FNDC4: variants seen among roughly 807,000 people sequenced by gnomAD.
FNDC4 encodes fibronectin type III domain containing 4.
FNDC4 carries 11 observed loss-of-function variants against 25.1 expected under a neutral mutation model. The observed-to-expected ratio is 0.44, with a 90% CI of 0.28 to 0.73. The LOEUF is 0.73. Among genes scored for constraint, FNDC4 ranks in the 30% least tolerant of loss-of-function variants. The pLI, the probability that FNDC4 is intolerant of heterozygous loss-of-function variation, is 0.16. For missense variants in FNDC4, 250 were observed against 304.3 expected (o/e 0.82, Z 1.33); for synonymous variants, 136 against 118.8 (o/e 1.14, Z -0.94).
At position 27,492,524 on chromosome 2, in the gene FNDC4, G is replaced by A. The variant is rs771046776; in HGVS notation, c.670-46C>T. 1 of 1,597,200 alleles carries A rather than the reference G, an allele frequency of 6.3e-7. No homozygotes were observed. The highest frequency in any genetic ancestry group is 8.6e-7 in the Non-Finnish European group (1 of 1,164,698). On this transcript the variant is annotated intron_variant, in intron 6 of 6. Transcript: ENST00000264703. This position sits in a 1 kb window ranked among gnomAD's most constrained non-coding sequence, Gnocchi z 4.1. ...AGTCTCAACTTCAGGAAGGTAATAG[G>A]TGCCACCCTTTCTCTCCAGCCTCCC...
chr2:27,494,511 T>C lies in FNDC4; in HGVS notation c.133+36A>G, dbSNP rs1242296245. 1 of 1,612,880 alleles carries C rather than the reference T, an allele frequency of 6.2e-7. No homozygotes were observed. Among genetic ancestry groups the C allele is most frequent in the African/African-American group, 1.3e-5 (1 of 74,900 alleles). ...TAACAGGTTTCACCCATTGACTAGC[T>C]GTGGTTGACCCTCAGCCCCGTTCCC... is the stretch of plus-strand genomic sequence containing the variant. On this transcript the variant is annotated intron_variant, in intron 2 of 6. Coordinates refer to ENST00000264703, the MANE Select transcript of FNDC4 (RefSeq NM_022823.3). The surrounding 1 kb of genome is among the most constrained non-coding windows in gnomAD (Gnocchi z 4.6).
Position 27,494,050 on chromosome 2 carries a change from T to C in FNDC4, c.334A>G (p.Ser112Gly). The change falls in exon 4 of 7, where the codon AGT (serine) becomes GGT (glycine). Residue 112 changes from serine to glycine, a missense_variant. Ser to Gly is a moderately conservative substitution (Grantham distance 56, BLOSUM62 0). Coordinates refer to ENST00000264703, the MANE Select transcript of FNDC4 (RefSeq NM_022823.3). This position sits in a 1 kb window ranked among gnomAD's most constrained non-coding sequence, Gnocchi z 4.6. Reference sequence around the variant, plus strand: ...CTCCTGACCTGCACTGTGTAGTCACTGTCTTCAGCCAGGCCCCAGAGGGCA... The same window carrying C: ...CTCCTGACCTGCACTGTGTAGTCACCGTCTTCAGCCAGGCCCCAGAGGGCA... The part of the protein sequence containing the change: ...ACALWGLAED[S>G]DYTVQVRSIG... 1 of 1,614,204 alleles carries C rather than the reference T, an allele frequency of 6.2e-7. No individual in the cohort carries two copies. The highest frequency in any genetic ancestry group is 8.5e-7 in the Non-Finnish European group (1 of 1,180,020).
rs147780937 is a variant in FNDC4 at position 27,493,460 on chromosome 2, C to T, written c.473G>A (p.Gly158Asp). 19 of 1,613,682 alleles carry T rather than the reference C, an allele frequency of 1.2e-5. No homozygotes were observed. In the African/African-American group the frequency reaches 1.9e-4, roughly 16 times the overall value. ...CTGCAGTGGCCGCTCTCCATCCAGA[C>T]CTTCCACTGTGATGTCACCTGAGAA... ...SSSPGDITVEGLDGERPLQTG... is the reference protein window; with the variant it reads ...SSSPGDITVEDLDGERPLQTG... Residue 158 changes from glycine (G) to aspartate (D), a missense_variant, in exon 5 of 7, where the codon GGT becomes GAT. By Grantham distance (94) the Gly-to-Asp change is moderately conservative. Transcript: ENST00000264703.
rs1250874283 is a variant in FNDC4 at position 27,493,848 on chromosome 2, G to A, written c.454+82C>T. On this transcript the variant is annotated intron_variant, in intron 4 of 6. Coordinates refer to ENST00000264703, the MANE Select transcript of FNDC4 (RefSeq NM_022823.3). ...TAAATCATCCTATTCAACTCAGCTA[G>A]TCTGTTGCTTGTCTTGGGGAAGTAA... is the stretch of plus-strand genomic sequence containing the variant. 2.1e-5 allele frequency: 27 copies of A among 1,258,014 alleles called. No individual in the cohort carries two copies. The East Asian group carries it at 6.3e-4, about 29-fold the overall frequency. The allele number at this position is 1,258,014 out of a possible 1,614,324, so 77.9% of individuals were successfully genotyped here.
Position 27,493,486 on chromosome 2 carries a change from G to T in FNDC4, c.455-8C>A. 2 of 1,609,912 alleles carry T rather than the reference G, an allele frequency of 1.2e-6. No homozygotes were observed. Among genetic ancestry groups the T allele is most frequent in the Non-Finnish European group, 1.7e-6 (2 of 1,176,324 alleles). ...CTTCCACTGTGATGTCACCTGAGAA[G>T]GGAGAAGGCAGAAGGCAGACTCCAG... On this transcript the variant is annotated splice_region_variant and splice_polypyrimidine_tract_variant and intron_variant, in intron 4 of 6. Coordinates refer to ENST00000264703, the MANE Select transcript of FNDC4 (RefSeq NM_022823.3).
At position 27,492,125 on chromosome 2, in the gene FNDC4, A is replaced by C; in HGVS notation, c.*318T>G. 3 of 417,744 alleles carry C rather than the reference A, an allele frequency of 7.2e-6. No homozygotes were observed. The highest frequency in any genetic ancestry group is 8.7e-6 in the Non-Finnish European group (2 of 230,872). The allele number at this position is 417,744 out of a possible 1,614,324, so 25.9% of individuals were successfully genotyped here. On this transcript the variant is annotated 3_prime_UTR_variant, in exon 7 of 7. Transcript: ENST00000264703. This position sits in a 1 kb window ranked among gnomAD's most constrained non-coding sequence, Gnocchi z 4.1. The stretch of plus-strand genomic sequence containing the variant: ...AGATGTGGGGCAGCTGGGGATGCTC[A>C]GAGTCCTGATACAGGTGAAATGGGG...
At position 27,492,108 on chromosome 2, in the gene FNDC4, G is replaced by A; in HGVS notation, c.*335C>T. 2.7e-6 allele frequency: 1 copy of A among 376,126 alleles called. No individual in the cohort carries two copies. Among genetic ancestry groups the A allele is most frequent in the Non-Finnish European group, 4.9e-6 (1 of 205,680 alleles). The allele number at this position is 376,126 out of a possible 1,614,324, so 23.3% of individuals were successfully genotyped here. ...TCTGAGGGCCAGAGGCAAGATGTGG[G>A]GCAGCTGGGGATGCTCAGAGTCCTG... On this transcript the variant is annotated 3_prime_UTR_variant, in exon 7 of 7. Coordinates refer to ENST00000264703, the MANE Select transcript of FNDC4 (RefSeq NM_022823.3). The surrounding 1 kb of genome is among the most constrained non-coding windows in gnomAD (Gnocchi z 4.1).
In FNDC4 at chr2:27,492,839, G is replaced by C. The variant is rs907426472; in HGVS notation, c.545-49C>G. 1 of 1,610,040 alleles carries C rather than the reference G, an allele frequency of 6.2e-7. No individual in the cohort carries two copies. The highest frequency in any genetic ancestry group is 8.5e-7 in the Non-Finnish European group (1 of 1,177,890). On this transcript the variant is annotated intron_variant, in intron 5 of 6. Transcript: ENST00000264703. The surrounding 1 kb of genome is among the most constrained non-coding windows in gnomAD (Gnocchi z 4.1). ...CTTCATCTCCACTTCCCCCCTCATAGGGAGATACCTACGTAGCTTCTAGAA... is the reference window on the plus strand; with the variant it reads ...CTTCATCTCCACTTCCCCCCTCATACGGAGATACCTACGTAGCTTCTAGAA...
At position 27,494,982 on chromosome 2, in the gene FNDC4, G is replaced by C. The variant is rs1306631575; in HGVS notation, c.-129C>G. 2 of 218,636 alleles carry C rather than the reference G, an allele frequency of 9.1e-6. No homozygotes were observed. The highest frequency in any genetic ancestry group is 1.8e-5 in the Non-Finnish European group (2 of 112,066). 13.5% of individuals were successfully genotyped at this position (218,636 alleles called of 1,614,324 possible). A position where few individuals can be genotyped will look rare whatever the true frequency, so the allele number is the denominator to read the frequency against. ...CGCTGCCCCTACCCCATCCCGGCGCGGGCCCGGCGACGCGGGCAGCGCGGG... is the reference window on the plus strand; with the variant it reads ...CGCTGCCCCTACCCCATCCCGGCGCCGGCCCGGCGACGCGGGCAGCGCGGG... On this transcript the variant is annotated 5_prime_UTR_variant, in exon 1 of 7. Coordinates refer to ENST00000264703, the MANE Select transcript of FNDC4 (RefSeq NM_022823.3). The surrounding 1 kb of genome is among the most constrained non-coding windows in gnomAD (Gnocchi z 4.6).
At position 27,491,985 on chromosome 2, in the gene FNDC4, G is replaced by A. The variant is rs1669270537; in HGVS notation, c.*458C>T. The A allele has an allele frequency of 5.9e-6, 1 of 168,220 alleles. No individual in the cohort carries two copies. The highest frequency in any genetic ancestry group is 1.3e-5 in the Non-Finnish European group (1 of 77,852). The allele number at this position is 168,220 out of a possible 1,614,324, so 10.4% of individuals were successfully genotyped here. On this transcript the variant is annotated 3_prime_UTR_variant, in exon 7 of 7. Coordinates refer to ENST00000264703, the MANE Select transcript of FNDC4 (RefSeq NM_022823.3). Reference sequence around the variant, plus strand: ...AGAGGGGGAGCACCTGAGGCTCCATGGAAGACATTGGAGTAGTGCAGTGCA... The same window carrying A: ...AGAGGGGGAGCACCTGAGGCTCCATAGAAGACATTGGAGTAGTGCAGTGCA...
At chr2:27,493,639 G>T (rs188268430) in intron 4 of FNDC4, among the ~76,000 whole-genome samples, 161 bp from the exon 5 acceptor site, 2 of 152,306 alleles carry the variant, frequency 1.3e-5, no homozygotes, top group East Asian at 3.9e-4. Flanking sequence ...TGGTGGACAG[G>T]TGGTTAGCGA....
intron 5 of FNDC4, among the ~76,000 whole-genome samples, chr2:27,493,089 T>C (rs1669300456): frequency 1.4e-5 from 2 of 146,536 alleles, no homozygotes; most frequent in Non-Finnish European, 3.0e-5. Flanking sequence ...GCTCGCTCAC[T>C]GCAACTTCCA....
chr2:27,493,550 T>C (rs1669308210), intron 4 of FNDC4, 72 bp from the exon 5 acceptor site: 2 of 1,188,368 alleles, frequency 1.7e-6, no homozygotes, highest in South Asian at 2.4e-5. Flanking sequence ...AGGATGGAGA[T>C]GCTGGGGATT....
chr2:27,494,969 C>T lies in FNDC4; in HGVS notation c.-116G>A. 1 of 252,444 alleles carries T rather than the reference C, an allele frequency of 4.0e-6. No homozygotes were observed. Among genetic ancestry groups the T allele is most frequent in the Non-Finnish European group, 7.5e-6 (1 of 133,732 alleles). The allele number at this position is 252,444 out of a possible 1,614,324, so 15.6% of individuals were successfully genotyped here. A position where few individuals can be genotyped will look rare whatever the true frequency, so the allele number is the denominator to read the frequency against. On this transcript the variant is annotated 5_prime_UTR_variant, in exon 1 of 7. Transcript: ENST00000264703. The surrounding 1 kb of genome is among the most constrained non-coding windows in gnomAD (Gnocchi z 4.6). The stretch of plus-strand genomic sequence containing the variant: ...CCCGACTCGGTGGCGCTGCCCCTAC[C>T]CCATCCCGGCGCGGGCCCGGCGACG...
In FNDC4 at chr2:27,494,456, G is replaced by C; in HGVS notation, c.144C>G (p.Pro48=). ...GAGTGACCGTCACATTCACAGGAGA[G>C]GGAGGCCGGTCTGCGGGAGCCAGGG... ...DLGFVRADRP[P]SPVNVTVTHL... Residue 48 remains proline (P), a synonymous_variant, in exon 3 of 7, where the codon CCC becomes CCG. Transcript: ENST00000264703. The surrounding 1 kb of genome is among the most constrained non-coding windows in gnomAD (Gnocchi z 4.6). The C allele has an allele frequency of 6.2e-7, 1 of 1,614,142 alleles. No homozygotes were observed. Among genetic ancestry groups the C allele is most frequent in the Non-Finnish European group, 8.5e-7 (1 of 1,180,002 alleles).
In FNDC4 at chr2:27,494,225, G is replaced by A. The variant is rs888953922; in HGVS notation, c.250-91C>T. 6 of 1,426,554 alleles carry A rather than the reference G, an allele frequency of 4.2e-6. No individual in the cohort carries two copies. The highest frequency in any genetic ancestry group is 1.8e-4 in the Middle Eastern group (1 of 5,640). The allele number at this position is 1,426,554 out of a possible 1,614,324, so 88.4% of individuals were successfully genotyped here. The stretch of plus-strand genomic sequence containing the variant: ...AGACTCTTCAACATCCAAGCACTCC[G>A]GGGGAGTAGCGTGAAAAGGGCAGCC... On this transcript the variant is annotated intron_variant, in intron 3 of 6. Transcript: ENST00000264703. This position sits in a 1 kb window ranked among gnomAD's most constrained non-coding sequence, Gnocchi z 4.6.
intron 4 of FNDC4, 120 bp downstream of exon 4, chr2:27,493,810 C>T: frequency 3.2e-6 from 3 of 945,642 alleles, no homozygotes; most frequent in Non-Finnish European, 5.0e-6. Context: ...CCTTTCCTGG[C>T]AGTACAATGA....
Position 27,492,595 on chromosome 2 carries a change from C to A in FNDC4, c.669+71G>T. On this transcript the variant is annotated intron_variant, in intron 6 of 6. Transcript: ENST00000264703. This position sits in a 1 kb window ranked among gnomAD's most constrained non-coding sequence, Gnocchi z 4.1. ...TCCATCTTTTTCTGCCCCTCTTTGA[C>A]CTTCTTCCTTTCCCTGGCTGCCCCT... The A allele has an allele frequency of 6.2e-7, 1 of 1,608,780 alleles. No individual in the cohort carries two copies. Among genetic ancestry groups the A allele is most frequent in the Admixed American group, 1.7e-5 (1 of 59,978 alleles).
rs1261964157 is a variant in FNDC4, at chr2:27,494,512, G to C, written c.133+35C>G. ...AACAGGTTTCACCCATTGACTAGCT[G>C]TGGTTGACCCTCAGCCCCGTTCCCC... On this transcript the variant is annotated intron_variant, in intron 2 of 6. Coordinates refer to ENST00000264703, the MANE Select transcript of FNDC4 (RefSeq NM_022823.3). The surrounding 1 kb of genome is among the most constrained non-coding windows in gnomAD (Gnocchi z 4.6). 6.2e-7 allele frequency: 1 copy of C among 1,612,992 alleles called. No homozygotes were observed. Among genetic ancestry groups the C allele is most frequent in the Non-Finnish European group, 8.5e-7 (1 of 1,179,494 alleles).
Sources: allele counts gnomAD v4.1 joint callset (sites outside exome capture counted in the v4.1 genomes callset), GRCh38; gene constraint gnomAD v4.1.1; non-coding constraint Gnocchi (gnomAD v3.1); transcripts MANE v1.5; gene names NCBI Gene and HGNC (gene_info 2026-07-23, HGNC 2026-07-21).